Variants in BMP7 observed in about 807,000 individuals in gnomAD.
BMP7 encodes osteogenic protein 1.
In BMP7, 12 loss-of-function variants were observed where a neutral mutation model predicts 41.2. The ratio of observed to expected loss-of-function variants is 0.29; its 90% CI spans 0.19 to 0.47. The LOEUF (loss-of-function observed/expected upper bound fraction) is 0.47, where lower values mean the gene tolerates loss of function less well. BMP7 is among the 20% of genes least tolerant of loss of function. The pLI, the probability that BMP7 is intolerant of heterozygous loss-of-function variation, is 0.99. For missense variants in BMP7, 467 were observed against 606.0 expected, an observed-to-expected ratio of 0.77 and a Z score of 2.41; for synonymous variants, 248 against 250.0, an observed-to-expected ratio of 0.99 and a Z score of 0.07.
chr20:57,184,000 C>T, intron 3 of BMP7, 81 bp from the exon 4 acceptor site: 1 of 1,483,738 alleles, frequency 6.7e-7, no homozygotes, highest in Non-Finnish European at 9.2e-7. Context: ...GATGCTATGC[C>T]TCCCGGTTCA....
At chr20:57,217,728 C>T (rs1011338233) in intron 2 of BMP7, among the ~76,000 whole-genome samples, 4 of 152,140 alleles carry the variant, frequency 2.6e-5, no homozygotes, top group African/African-American at 9.7e-5. Context: ...GGGTAGGTGG[C>T]GTCCTGGACA....
chr20:57,252,451 G>A (rs931454389), intron 1 of BMP7, among the ~76,000 whole-genome samples: 2 of 152,192 alleles, frequency 1.3e-5, no homozygotes, highest in African/African-American at 2.4e-5. Flanking sequence ...CAAGAGAGGG[G>A]AACAAGGTAA....
intron 1 of BMP7, among the ~76,000 whole-genome samples, chr20:57,258,876 T>C (rs2066143867): frequency 6.6e-6 from 1 of 152,116 alleles, no homozygotes. Context: ...CCAACGTAAA[T>C]CTTCATCTGG....
chr20:57,211,179 C>A (rs544808568), intron 2 of BMP7, among the ~76,000 whole-genome samples: 2 of 152,344 alleles, frequency 1.3e-5, no homozygotes, highest in Non-Finnish European at 2.9e-5. Flanking sequence ...CCCACCTCCT[C>A]CTCCCTCCTC....
At chr20:57,254,016 CCTTTT>C (rs2066124142) in intron 1 of BMP7, among the ~76,000 whole-genome samples, 1 of 103,622 alleles carries the variant, frequency 9.7e-6, no homozygotes, top group South Asian at 3.0e-4. Context: ...TGGTTTCTTT[CCTTTT>C]TTTTTTTTTT....
At chr20:57,262,636 C>G (rs549983391) in intron 1 of BMP7, among the ~76,000 whole-genome samples, 3 of 152,164 alleles carry the variant, frequency 2.0e-5, no homozygotes, top group Non-Finnish European at 4.4e-5. Context: ...TCCCCCCTCC[C>G]GCGCACGCAG....
At chr20:57,244,079 T>C (rs1013911238) in intron 1 of BMP7, 1 of 152,182 alleles carries the variant, frequency 6.6e-6, no homozygotes, top group African/African-American at 2.4e-5. Flanking sequence ...AGGAGTAAAG[T>C]AGACCAGGCA....
chr20:57,251,608 G>A (rs2066113959), intron 1 of BMP7, among the ~76,000 whole-genome samples: 1 of 152,174 alleles, frequency 6.6e-6, no homozygotes, highest in Non-Finnish European at 1.5e-5. Context: ...CTGAGTCACT[G>A]TCTGCAGAAG....
chr20:57,263,202 G>A (rs1344166143), intron 1 of BMP7, among the ~76,000 whole-genome samples: 1 of 152,236 alleles, frequency 6.6e-6, no homozygotes, highest in Non-Finnish European at 1.5e-5. Flanking sequence ...CTAATTTGGA[G>A]TGATGTCCCA....
At position 57,169,198 on chromosome 20, in the gene BMP7, A is replaced by G. The variant is rs572308810; in HGVS notation, c.*1761T>C. On this transcript the variant is annotated 3_prime_UTR_variant, in exon 7 of 7. Coordinates refer to ENST00000395863, the MANE Select transcript of BMP7 (RefSeq NM_001719.3). ...AAGCTACTAAAGAAGAAAAACATCA[A>G]AGAAAATAAAAACAGAGCCCCGGTG... 1 of 152,286 alleles carries G rather than the reference A, an allele frequency of 6.6e-6. No individual in the cohort carries two copies. The highest frequency in any genetic ancestry group is 2.1e-4 in the South Asian group (1 of 4,810). 9.4% of individuals were successfully genotyped at this position (152,286 alleles called of 1,614,324 possible).
intron 2 of BMP7, among the ~76,000 whole-genome samples, chr20:57,218,681 T>C (rs913711364): frequency 6.6e-6 from 1 of 151,298 alleles, no homozygotes; most frequent in Admixed American, 6.6e-5. Context: ...TGTTCAGTGA[T>C]AGCTGGTGTT....
chr20:57,248,712 T>C (rs1159312940), intron 1 of BMP7, among the ~76,000 whole-genome samples: 3 of 152,186 alleles, frequency 2.0e-5, no homozygotes, highest in African/African-American at 7.2e-5. Flanking sequence ...TTAGGGGAGA[T>C]AATGACATGT....
chr20:57,183,650 C>G, intron 4 of BMP7, 72 bp downstream of exon 4: 2 of 1,596,908 alleles, frequency 1.3e-6, no homozygotes, highest in Non-Finnish European at 1.7e-6. Context: ...TTGAGTCAGT[C>G]TCCTGCCGGG....
At chr20:57,199,415 G>T (rs141663611) in intron 3 of BMP7, among the ~76,000 whole-genome samples, 108 of 152,330 alleles carry the variant, frequency 7.1e-4, no homozygotes, top group African/African-American at 2.5e-3. Flanking sequence ...ACTGGGTGCA[G>T]CGTGCACTAC....
At chr20:57,199,401 A>G (rs1038535152) in intron 3 of BMP7, among the ~76,000 whole-genome samples, 3 of 152,212 alleles carry the variant, frequency 2.0e-5, no homozygotes, top group Admixed American at 1.3e-4. Flanking sequence ...ATAAAAAGCT[A>G]CATACTGGGT....
chr20:57,261,823 A>G lies in BMP7; in HGVS notation c.418+3882T>C, dbSNP rs1052437682. ...CCCTGAAGGAAATTTTTAAACTGTA[A>G]CAGAATCTTTTTCTAATACTCTACA... On this transcript the variant is annotated intron_variant, in intron 1 of 6. Transcript: ENST00000395863. The surrounding 1 kb of genome is among the most constrained non-coding windows in gnomAD (Gnocchi z 4.1). Among the ~76,000 whole-genome samples, 1 of 152,210 alleles carries G rather than the reference A, an allele frequency of 6.6e-6. No homozygotes were observed. The highest frequency in any genetic ancestry group is 2.4e-5 in the African/African-American group (1 of 41,444).
intron 3 of BMP7, among the ~76,000 whole-genome samples, chr20:57,194,216 C>G (rs1984441150): frequency 6.6e-6 from 1 of 152,136 alleles, no homozygotes; most frequent in Non-Finnish European, 1.5e-5. Flanking sequence ...GATGAGAGAG[C>G]CTCAGGACAA....
intron 2 of BMP7, among the ~76,000 whole-genome samples, chr20:57,205,931 G>A (rs1056309288): frequency 2.6e-5 from 4 of 152,158 alleles, no homozygotes; most frequent in Admixed American, 6.5e-5. Context: ...ACTGGGAGAC[G>A]GGAGCCTTGC....
chr20:57,212,476 G>A (rs1984915650), intron 2 of BMP7, among the ~76,000 whole-genome samples: 1 of 152,152 alleles, frequency 6.6e-6, no homozygotes, highest in Non-Finnish European at 1.5e-5. Context: ...CTCGCTCCCC[G>A]ACCCCTAGTC....
Sources: gnomAD v4.1 joint callset for allele counts (sites outside exome capture counted in the v4.1 genomes callset) on GRCh38, gnomAD v4.1.1 for gene constraint, Gnocchi (gnomAD v3.1) non-coding constraint, MANE v1.5 for transcripts, NCBI Gene and HGNC (gene_info 2026-07-23, HGNC 2026-07-21) for gene names.